Variants in RBP4 observed in about 807,000 individuals in gnomAD.
RBP4 encodes retinol-binding protein 4.
In RBP4, 9 loss-of-function variants were observed where a neutral mutation model predicts 26.2. The ratio of observed to expected loss-of-function variants is 0.34; its 90% CI spans 0.21 to 0.60. The LOEUF is 0.60. RBP4 is among the 20% of genes least tolerant of loss of function. The pLI is 0.80. For synonymous variants in RBP4, 114 were observed against 111.0 expected (o/e 1.03, Z -0.17); for missense variants, 244 against 271.3 (o/e 0.90, Z 0.71).
intron 5 of RBP4, among the ~76,000 whole-genome samples, chr10:93,592,969 C>A (rs2058277257): frequency 6.6e-6 from 1 of 152,180 alleles, no homozygotes; most frequent in South Asian, 2.1e-4. Flanking sequence ...AGGCGCATGC[C>A]ACCACGCCTG....
At chr10:93,594,747 T>C (rs2058292286) in intron 4 of RBP4, among the ~76,000 whole-genome samples, 1 of 152,224 alleles carries the variant, frequency 6.6e-6, no homozygotes, top group South Asian at 2.1e-4. Context: ...ATTTAGATTA[T>C]ATGTATTCCT....
In RBP4 at chr10:93,591,783, G is replaced by A. The variant is rs1564787952; in HGVS notation, c.*292C>T. The A allele has an allele frequency of 4.9e-6, 2 of 407,206 alleles. No individual in the cohort carries two copies. The highest frequency in any genetic ancestry group is 9.0e-6 in the Non-Finnish European group (2 of 223,414). The allele number at this position is 407,206 out of a possible 1,614,324, so 25.2% of individuals were successfully genotyped here. A position where few individuals can be genotyped will look rare whatever the true frequency, so the allele number is the denominator to read the frequency against. Reference sequence around the variant, plus strand: ...CCACGTGCTCCTGGTATAAAGAAGCGCACCCCACCCATCCGTCTGCAGCAC... The same window carrying A: ...CCACGTGCTCCTGGTATAAAGAAGCACACCCCACCCATCCGTCTGCAGCAC... On this transcript the variant is annotated 3_prime_UTR_variant, in exon 6 of 6. Coordinates refer to ENST00000371464, the MANE Select transcript of RBP4 (RefSeq NM_006744.4).
rs369378480 is a variant in RBP4 at position 93,593,893 on chromosome 10, C to G, written c.498G>C (p.Ala166=). 2.5e-6 allele frequency: 4 copies of G among 1,613,740 alleles called. No individual in the cohort carries two copies. Among genetic ancestry groups the G allele is most frequent in the Non-Finnish European group, 3.4e-6 (4 of 1,180,028 alleles). The change falls in exon 5 of 6, where the codon GCG becomes GCC. Residue 166 remains alanine, a synonymous_variant. Coordinates refer to ENST00000371464, the MANE Select transcript of RBP4 (RefSeq NM_006744.4). ...CCTGCCGCTGCCTTACAATCTTCTG[C>G]GCTTCTGGGGGCAGGCCGTTGGGGT... ...SRDPNGLPPE[A]QKIVRQRQEE...
chr10:93,598,293 T>A (rs531988058), intron 4 of RBP4, among the ~76,000 whole-genome samples: 1 of 152,358 alleles, frequency 6.6e-6, no homozygotes, highest in Admixed American at 6.5e-5. Context: ...TTTCTGCCTG[T>A]TGACTCATTG....
In RBP4 at chr10:93,593,987, T is replaced by C; in HGVS notation, c.404A>G (p.Gln135Arg). ...VDTDYDTYAVQYSCRLLNLDG... is the reference protein window; with the variant it reads ...VDTDYDTYAVRYSCRLLNLDG... ...GAGGTTCAGGAGGCGGCAGGAGTAC[T>C]GCACGGCATACGTGTCGTAGTCTGT... is the stretch of plus-strand genomic sequence containing the variant. Residue 135 changes from glutamine to arginine, a missense_variant, in exon 5 of 6, where the codon CAG becomes CGG. Transcript: ENST00000371464. The C allele has an allele frequency of 6.2e-7, 1 of 1,614,000 alleles. No individual in the cohort carries two copies. Among genetic ancestry groups the C allele is most frequent in the African/African-American group, 1.3e-5 (1 of 75,052 alleles).
rs116159214 is a variant in RBP4 at position 93,597,599 on chromosome 10, G to C, written c.355+2794C>G. On this transcript the variant is annotated intron_variant, in intron 4 of 5. Transcript: ENST00000371464. ...TGCTTGCTGCTGGTGGAGCCAGAAG[G>C]GAAGACCAGTATGGAGCATGCCCAA... 5.2e-3 allele frequency among the ~76,000 whole-genome samples: 794 copies of C among 152,310 alleles called. 7 individuals carry two copies. Among genetic ancestry groups the C allele is most frequent in the African/African-American group, 0.018 (752 of 41,568 alleles).
intron 4 of RBP4, among the ~76,000 whole-genome samples, chr10:93,598,138 G>A (rs576482695): frequency 1.3e-5 from 2 of 152,340 alleles, no homozygotes; most frequent in African/African-American, 4.8e-5. Context: ...TCTAAAACAA[G>A]AGACTTGAAC....
intron 4 of RBP4, among the ~76,000 whole-genome samples, chr10:93,594,241 A>T (rs1272439842): frequency 2.0e-5 from 3 of 152,160 alleles, no homozygotes; most frequent in African/African-American, 7.2e-5. Flanking sequence ...ATTGAAAAAA[A>T]TCTTGGAGTC....
At position 93,601,210 on chromosome 10, in the gene RBP4, C is replaced by G. The variant is rs1564791057; in HGVS notation, c.-58G>C. On this transcript the variant is annotated 5_prime_UTR_variant, in exon 1 of 6. Transcript: ENST00000371464. The stretch of plus-strand genomic sequence containing the variant: ...CCGCGCGCAAGCCTGGCCGCCGAGT[C>G]CGGGCGCGCGTGGAGCGAGGGAGGC... 8.3e-6 allele frequency: 11 copies of G among 1,319,074 alleles called. No homozygotes were observed. The highest frequency in any genetic ancestry group is 1.1e-5 in the Non-Finnish European group (11 of 1,042,278). 81.7% of individuals were successfully genotyped at this position (1,319,074 alleles called of 1,614,324 possible).
In RBP4 at chr10:93,597,058, T is replaced by C. The variant is rs921422265; in HGVS notation, c.356-3023A>G. ...TAGACCAGTGGTTCTCAAACTTCAT[T>C]GTGCAGAAACAGCATACCCAAGGAG... is the stretch of plus-strand genomic sequence containing the variant. On this transcript the variant is annotated intron_variant, in intron 4 of 5. Coordinates refer to ENST00000371464, the MANE Select transcript of RBP4 (RefSeq NM_006744.4). 9.2e-5 allele frequency among the ~76,000 whole-genome samples: 14 copies of C among 152,312 alleles called. No homozygotes were observed. The East Asian group carries it at 2.7e-3, about 29-fold the overall frequency.
At chr10:93,593,210 G>C (rs536893312) in intron 5 of RBP4, among the ~76,000 whole-genome samples, 1 of 152,262 alleles carries the variant, frequency 6.6e-6, no homozygotes, top group East Asian at 1.9e-4. Context: ...AAACTAAATG[G>C]AGCTCTTTCC....
intron 4 of RBP4, 79 bp downstream of exon 4, chr10:93,600,314 A>C: frequency 8.4e-7 from 1 of 1,192,434 alleles, no homozygotes; most frequent in East Asian, 2.3e-5. Flanking sequence ...AAGGGTAGGT[A>C]CCTCTGGAGA....
Position 93,600,688 on chromosome 10 carries a change from T to C in RBP4, c.227A>G (p.Lys76Arg). ...TGACTTCAAAAGACGGACTCGGCCC[T>C]TGGCTGTGGCGCTCATCTGGCCGGT... ...DETGQMSATA[K>R]GRVRLLNNWD... Residue 76 changes from lysine (K) to arginine (R), a missense_variant, in exon 3 of 6, where the codon AAG becomes AGG. Coordinates refer to ENST00000371464, the MANE Select transcript of RBP4 (RefSeq NM_006744.4). 1 of 1,611,388 alleles carries C rather than the reference T, an allele frequency of 6.2e-7. No homozygotes were observed. Among genetic ancestry groups the C allele is most frequent in the Non-Finnish European group, 8.5e-7 (1 of 1,178,948 alleles).
chr10:93,599,143 G>C (rs1304302761), intron 4 of RBP4, among the ~76,000 whole-genome samples: 1 of 152,062 alleles, frequency 6.6e-6, no homozygotes, highest in Non-Finnish European at 1.5e-5. Context: ...CAGCTACTCA[G>C]GAGGCTGAGG....
intron 5 of RBP4, among the ~76,000 whole-genome samples, chr10:93,593,138 T>G (rs2058278022): frequency 6.6e-6 from 1 of 152,178 alleles, no homozygotes; most frequent in Non-Finnish European, 1.5e-5. Flanking sequence ...CTCTACATTT[T>G]AGCATTACTG....
chr10:93,592,687 C>T (rs996366171), intron 5 of RBP4, among the ~76,000 whole-genome samples: 1 of 152,162 alleles, frequency 6.6e-6, no homozygotes, highest in African/African-American at 2.4e-5. Context: ...GTGGTGGAAT[C>T]CTTGCTGGCC....
intron 5 of RBP4, among the ~76,000 whole-genome samples, chr10:93,593,210 G>T (rs536893312): frequency 3.3e-5 from 5 of 152,144 alleles, no homozygotes; most frequent in Admixed American, 2.0e-4. Flanking sequence ...AAACTAAATG[G>T]AGCTCTTTCC....
intron 4 of RBP4, among the ~76,000 whole-genome samples, chr10:93,595,098 C>T (rs918460373): frequency 6.6e-6 from 1 of 152,004 alleles, no homozygotes; most frequent in African/African-American, 2.4e-5. Flanking sequence ...TAGGTTTGCA[C>T]CACTGTACTC....
In RBP4 at chr10:93,600,941, T is replaced by C. The variant is rs1325307676; in HGVS notation, c.88A>G (p.Lys30Glu). 6.2e-6 allele frequency: 10 copies of C among 1,612,488 alleles called. No individual in the cohort carries two copies. Among genetic ancestry groups the C allele is most frequent in the Admixed American group, 1.7e-5 (1 of 60,004 alleles). Residue 30 changes from lysine to glutamate, a missense_variant, in exon 2 of 6, where the codon AAG (lysine) becomes GAG (glutamate). Coordinates refer to ENST00000371464, the MANE Select transcript of RBP4 (RefSeq NM_006744.4). ...ACGCGAGCCTTGTCGAAGTTCTCCT[T>C]GACTCGGAAGCTGCTCACTCGGCAG... ...RDCRVSSFRV[K>E]ENFDKARFSG...
Sources: allele counts gnomAD v4.1 joint callset (sites outside exome capture counted in the v4.1 genomes callset), GRCh38; gene constraint gnomAD v4.1.1; transcripts MANE v1.5; gene names NCBI Gene and HGNC (gene_info 2026-07-23, HGNC 2026-07-21).